The following OSMR variants were observed in gnomAD, a reference collection of about 807,000 sequenced individuals.
OSMR encodes the protein oncostatin-M-specific receptor subunit beta.
A neutral mutation model predicts 99.9 loss-of-function variants in OSMR; 81 were observed. The ratio of observed to expected loss-of-function variants is 0.81; its 90% CI spans 0.68 to 0.97. The LOEUF is 0.97. Among genes scored for constraint, OSMR ranks in the 50% least tolerant of loss-of-function variants. The pLI, the probability that OSMR is intolerant of heterozygous loss-of-function variation, is 0.00. For missense variants in OSMR, 1,099 were observed against 1,153.4 expected (o/e 0.95, Z 0.68); for synonymous variants, 406 against 410.4 (o/e 0.99, Z 0.13).
rs1426284527 is a variant in OSMR at position 38,904,224 on chromosome 5, G to A, written c.1135-129G>A. The A allele has an allele frequency of 4.4e-5, 68 of 1,534,516 alleles. No homozygotes were observed. The Admixed American group carries it at 1.3e-3, about 29-fold the overall frequency. ...CCTTGAAGATTTTTTTCCCCCCAAA[G>A]AAGAACTGATCTTACTCCAGGTCAG... is the stretch of plus-strand genomic sequence containing the variant. On this transcript the variant is annotated intron_variant, in intron 8 of 17. Transcript: ENST00000274276.
At chr5:38,928,526 GC>G (rs1342402783) in intron 15 of OSMR, among the ~76,000 whole-genome samples, 1 of 152,102 alleles carries the variant, frequency 6.6e-6, no homozygotes, top group Non-Finnish European at 1.5e-5. Flanking sequence ...AGGGGGAAAA[GC>G]CCCTTATAAA....
At chr5:38,921,383 C>T in intron 11 of OSMR, 1 of 614,526 alleles carries the variant, frequency 1.6e-6, no homozygotes, top group Non-Finnish European at 2.0e-6. Flanking sequence ...GGTTGGGCTT[C>T]AGAAGGTCAA....
intron 12 of OSMR, among the ~76,000 whole-genome samples, chr5:38,922,489 T>G (rs1430594909): frequency 2.0e-5 from 3 of 152,048 alleles, no homozygotes; most frequent in African/African-American, 7.2e-5. Context: ...GGAAGATAAA[T>G]AACTGGAGGG....
At chr5:38,943,021 A>G (rs778421469) in intron 1 of OSMR, 3 of 1,393,840 alleles carry the variant, frequency 2.2e-6, no homozygotes, top group East Asian at 2.3e-5. Context: ...TGATGTATCT[A>G]TTTTTCCTCC....
chr5:38,905,345 C>T (rs1244056161), intron 9 of OSMR, among the ~76,000 whole-genome samples: 2 of 152,000 alleles, frequency 1.3e-5, no homozygotes, highest in South Asian at 2.1e-4. Context: ...AAAAATTAGC[C>T]AGGCGTGGTG....
intron 14 of OSMR, among the ~76,000 whole-genome samples, chr5:38,924,823 C>T (rs1180709899): frequency 1.3e-5 from 2 of 151,904 alleles, no homozygotes; most frequent in Non-Finnish European, 2.9e-5. Context: ...TTTTTAGAAG[C>T]ATCTGAAACA....
At chr5:38,943,274 A>G (rs745309137) in intron 1 of OSMR, 3 of 211,446 alleles carry the variant, frequency 1.4e-5, no homozygotes, top group Admixed American at 5.6e-5. Flanking sequence ...GATGATTAAA[A>G]TATGTTCCAA....
chr5:38,933,758 C>T lies in OSMR; in HGVS notation c.*314C>T. 2.5e-6 allele frequency: 1 copy of T among 396,200 alleles called. No homozygotes were observed. Among genetic ancestry groups the T allele is most frequent in the Non-Finnish European group, 4.7e-6 (1 of 211,298 alleles). The allele number at this position is 396,200 out of a possible 1,614,324, so 24.5% of individuals were successfully genotyped here. On this transcript the variant is annotated 3_prime_UTR_variant, in exon 18 of 18. Transcript: ENST00000274276. ...ATGCATTAACCACTCTACAGACTCCCACTCAGTACTGTACAGGGTGGCTGT... is the reference window on the plus strand; with the variant it reads ...ATGCATTAACCACTCTACAGACTCCTACTCAGTACTGTACAGGGTGGCTGT...
At chr5:38,886,931 C>A (rs1278295607) in intron 7 of OSMR, among the ~76,000 whole-genome samples, 1 of 152,130 alleles carries the variant, frequency 6.6e-6, no homozygotes, top group Non-Finnish European at 1.5e-5. Context: ...AGGAGTAATA[C>A]CAATTATACT....
chr5:38,941,770 C>T, intron 1 of OSMR: 1 of 232,662 alleles, frequency 4.3e-6, no homozygotes, highest in Non-Finnish European at 8.5e-6. Context: ...GTGTTACAAA[C>T]ATTAAGAAAA....
At chr5:38,899,922 C>G (rs1266394105) in intron 7 of OSMR, among the ~76,000 whole-genome samples, 1 of 152,102 alleles carries the variant, frequency 6.6e-6, no homozygotes, top group East Asian at 1.9e-4. Flanking sequence ...CAGCTAGTGT[C>G]TTAGTAGGTC....
At chr5:38,906,625 C>T (rs1442189204) in intron 9 of OSMR, among the ~76,000 whole-genome samples, 1 of 152,066 alleles carries the variant, frequency 6.6e-6, no homozygotes, top group South Asian at 2.1e-4. Flanking sequence ...TTGGCTTCTC[C>T]AATGACTTAT....
In OSMR at chr5:38,886,378, TTAA is replaced by T. The variant is rs1579709847; in HGVS notation, c.991+193_991+195del. ...ACGCATCCCCTATTATTTGTTTCTT[TTAA>T]TAATGTCACGAGCACCAATGAGCTT... On this transcript the variant is annotated intron_variant, in intron 7 of 17. Coordinates refer to ENST00000274276, the MANE Select transcript of OSMR (RefSeq NM_003999.3). 6 of 1,412,550 alleles carry T rather than the reference TTAA, an allele frequency of 4.2e-6. No individual in the cohort carries two copies. In the East Asian group the frequency reaches 1.5e-4, roughly 36 times the overall value. The allele number at this position is 1,412,550 out of a possible 1,614,324, so 87.5% of individuals were successfully genotyped here.
At chr5:38,927,161 T>C (rs1339147933) in intron 15 of OSMR, among the ~76,000 whole-genome samples, 1 of 152,256 alleles carries the variant, frequency 6.6e-6, no homozygotes, top group Non-Finnish European at 1.5e-5. Context: ...TTCTGGCTGC[T>C]TTCATGGGCT....
At chr5:38,873,129 G>A (rs1742522917) in intron 2 of OSMR, among the ~76,000 whole-genome samples, 1 of 152,206 alleles carries the variant, frequency 6.6e-6, no homozygotes, top group Admixed American at 6.5e-5. Flanking sequence ...GCAGCTACCA[G>A]TCTACTTTCT....
chr5:38,877,871 A>G (rs1742963544), intron 3 of OSMR, among the ~76,000 whole-genome samples: 1 of 152,204 alleles, frequency 6.6e-6, no homozygotes, highest in South Asian at 2.1e-4. Context: ...GCAGTTGTTC[A>G]TATCTGTTTT....
chr5:38,940,014 G>A (rs553525298), downstream of OSMR: 50 of 189,582 alleles, frequency 2.6e-4, no homozygotes, highest in Middle Eastern at 4.6e-3. Flanking sequence ...AAATTTAAGC[G>A]TAGACTTTTT....
rs755848712 is a variant in OSMR at position 38,933,007 on chromosome 5, C to T, written c.2503C>T (p.Pro835Ser). Reference sequence around the variant, plus strand: ...ACTCACAGAAACCGAGTTGACTAAGCCTAACTACCTTTATCTCCTTCCAAC... The same window carrying T: ...ACTCACAGAAACCGAGTTGACTAAGTCTAACTACCTTTATCTCCTTCCAAC... The part of the protein sequence containing the change: ...KSLTETELTK[P>S]NYLYLLPTEK... Residue 835 changes from proline (P) to serine (S), a missense_variant, in exon 18 of 18, where the codon CCT (proline) becomes TCT (serine). Pro to Ser is a moderately conservative substitution (Grantham distance 74). Transcript: ENST00000274276. 2 of 1,614,120 alleles carry T rather than the reference C, an allele frequency of 1.2e-6. No individual in the cohort carries two copies. Among genetic ancestry groups the T allele is most frequent in the African/African-American group, 1.3e-5 (1 of 75,022 alleles).
intron 3 of OSMR, among the ~76,000 whole-genome samples, chr5:38,881,019 A>G (rs888692558): frequency 6.6e-6 from 1 of 152,176 alleles, no homozygotes; most frequent in African/African-American, 2.4e-5. Context: ...CCATGTGGCC[A>G]CCGTATCTGA....
Sources: gnomAD v4.1 joint callset for allele counts (sites outside exome capture counted in the v4.1 genomes callset) on GRCh38, gnomAD v4.1.1 for gene constraint, MANE v1.5 for transcripts, NCBI Gene and HGNC (gene_info 2026-07-23, HGNC 2026-07-21) for gene names.